The following ZNF704 variants were observed in gnomAD, a reference collection of about 807,000 sequenced individuals.
ZNF704 encodes glucocorticoid induced gene 1.
ZNF704 carries 10 observed loss-of-function variants against 44.7 expected under a neutral mutation model. The ratio of observed to expected loss-of-function variants is 0.22; its 90% CI spans 0.14 to 0.38. ZNF704 has a LOEUF of 0.38. Ranked by LOEUF, ZNF704 falls within the 10% of genes least tolerant of loss-of-function variation. ZNF704 has a pLI of 1.00. For synonymous variants in ZNF704, 211 were observed against 207.6 expected, an observed-to-expected ratio of 1.02 and a Z score of -0.14; for missense variants, 390 against 545.5, an observed-to-expected ratio of 0.71 and a Z score of 2.84.
chr8:80,725,062 C>A (rs572727944), intron 2 of ZNF704, among the ~76,000 whole-genome samples: 15 of 152,242 alleles, frequency 9.9e-5, no homozygotes, highest in African/African-American at 3.6e-4. Flanking sequence ...ATGCTAAATC[C>A]TAGGACTTGA....
At chr8:80,864,567 G>A (rs1220486981) in intron 1 of ZNF704, among the ~76,000 whole-genome samples, 4 of 152,082 alleles carry the variant, frequency 2.6e-5, no homozygotes, top group Non-Finnish European at 5.9e-5. Context: ...ATTTCCCAAA[G>A]TCAATTAATT....
the ZNF704 span, among the ~76,000 whole-genome samples, chr8:80,881,478 A>G: frequency 1.3e-5 from 2 of 152,198 alleles, no homozygotes; most frequent in East Asian, 3.8e-4. Context: ...TATACTATAT[A>G]CATCTATTAA....
At chr8:80,828,594 T>C (rs553408975) in intron 1 of ZNF704, among the ~76,000 whole-genome samples, 1 of 152,314 alleles carries the variant, frequency 6.6e-6, no homozygotes, top group South Asian at 2.1e-4. Context: ...CCCATTTAAA[T>C]AGAATACATG....
chr8:80,641,314 A>G lies in ZNF704; in HGVS notation c.*52T>C. The G allele has an allele frequency of 1.7e-6, 2 of 1,201,562 alleles. No individual in the cohort carries two copies. Among genetic ancestry groups the G allele is most frequent in the Non-Finnish European group, 2.3e-6 (2 of 873,458 alleles). 74.4% of individuals were successfully genotyped at this position (1,201,562 alleles called of 1,614,324 possible). On this transcript the variant is annotated 3_prime_UTR_variant, in exon 9 of 9. Transcript: ENST00000327835. ...AGCTCTTTCCAACACCTGCAGTGGC[A>G]GGCCAGGGCAGGAGCGGCTCAGGGC...
chr8:80,654,976 T>C (rs1683031575), intron 7 of ZNF704, among the ~76,000 whole-genome samples: 1 of 152,018 alleles, frequency 6.6e-6, no homozygotes, highest in African/African-American at 2.4e-5. Context: ...ATTAAGAAAA[T>C]GTGGCACATA....
intron 2 of ZNF704, among the ~76,000 whole-genome samples, chr8:80,751,152 G>A (rs772436373): frequency 2.0e-5 from 3 of 152,060 alleles, no homozygotes; most frequent in Non-Finnish European, 4.4e-5. Context: ...AAAGAGGCAA[G>A]GTGGAAGAAG....
At chr8:80,720,175 A>G (rs1165675022) in intron 2 of ZNF704, among the ~76,000 whole-genome samples, 1 of 152,192 alleles carries the variant, frequency 6.6e-6, no homozygotes, top group Non-Finnish European at 1.5e-5. Flanking sequence ...CTCCTTGGAC[A>G]TCAGCCTCAG....
At chr8:80,833,618 G>A (rs992848689) in intron 1 of ZNF704, among the ~76,000 whole-genome samples, 8 of 152,156 alleles carry the variant, frequency 5.3e-5, no homozygotes, top group Non-Finnish European at 1.0e-4. Context: ...TTAGCCCTCT[G>A]AAACCAATGA....
intron 2 of ZNF704, among the ~76,000 whole-genome samples, chr8:80,749,094 C>T (rs1806897995): frequency 6.6e-6 from 1 of 152,160 alleles, no homozygotes; most frequent in African/African-American, 2.4e-5. Flanking sequence ...ATGGCCCCAT[C>T]TACTTCCTAA....
At position 80,629,985 on chromosome 8, in the gene ZNF704, A is replaced by AT. The variant is rs1395758424; in HGVS notation, c.*11380dup. The stretch of plus-strand genomic sequence containing the variant: ...CCCATTTATTCATCTTAATGATGGA[A>AT]TTTTTTAGAGCCTGATGTTTCAGAA... On this transcript the variant is annotated 3_prime_UTR_variant, in exon 9 of 9. Transcript: ENST00000327835. The AT allele has an allele frequency of 7.9e-5, 12 of 152,218 alleles. No individual in the cohort carries two copies. Among genetic ancestry groups the AT allele is most frequent in the Admixed American group, 1.3e-4 (2 of 15,280 alleles). The allele number at this position is 152,218 out of a possible 1,614,324, so 9.4% of individuals were successfully genotyped here.
chr8:80,696,698 G>A (rs928981625), intron 2 of ZNF704, among the ~76,000 whole-genome samples: 5 of 152,210 alleles, frequency 3.3e-5, no homozygotes, highest in African/African-American at 7.2e-5. Flanking sequence ...GATTACAGGC[G>A]TGAGCCAATG....
chr8:80,779,776 C>T (rs974935516), intron 2 of ZNF704, among the ~76,000 whole-genome samples: 22 of 151,820 alleles, frequency 1.4e-4, no homozygotes, highest in African/African-American at 3.6e-4. Context: ...TCACTCTCTA[C>T]AGGATAACCG....
At chr8:80,801,244 A>G (rs532384775) in intron 2 of ZNF704, among the ~76,000 whole-genome samples, 1 of 152,306 alleles carries the variant, frequency 6.6e-6, no homozygotes, top group Non-Finnish European at 1.5e-5. Flanking sequence ...CCCACTGACA[A>G]TATTAGACAG....
intron 2 of ZNF704, among the ~76,000 whole-genome samples, chr8:80,726,820 T>TAC (rs1005185229): frequency 3.4e-5 from 5 of 146,286 alleles, no homozygotes; most frequent in African/African-American, 1.1e-4. Flanking sequence ...ATGTTAAAAA[T>TAC]ACACACACAC....
intron 7 of ZNF704, among the ~76,000 whole-genome samples, chr8:80,647,042 T>C (rs1042766920): frequency 1.3e-5 from 2 of 152,214 alleles, no homozygotes; most frequent in African/African-American, 4.8e-5. Flanking sequence ...ATACTCTTCA[T>C]TCAACAGATA....
chr8:80,882,674 A>G, the ZNF704 span, among the ~76,000 whole-genome samples: 1 of 152,182 alleles, frequency 6.6e-6, no homozygotes, highest in Admixed American at 6.5e-5. Context: ...GACCTCTGCT[A>G]GACTTCATCC....
intron 2 of ZNF704, among the ~76,000 whole-genome samples, chr8:80,716,644 T>G (rs1004686502): frequency 6.6e-6 from 1 of 152,258 alleles, no homozygotes; most frequent in Non-Finnish European, 1.5e-5. Context: ...AAACTTCTAA[T>G]ACATGTTAAG....
intron 5 of ZNF704, among the ~76,000 whole-genome samples, chr8:80,668,670 T>C (rs542439736): frequency 1.2e-4 from 19 of 152,276 alleles, no homozygotes; most frequent in Non-Finnish European, 2.1e-4. Flanking sequence ...TGGAGTGAGA[T>C]TGAAAAGTGT....
At chr8:80,804,554 C>G (rs754298346) in intron 2 of ZNF704, among the ~76,000 whole-genome samples, 1 of 152,132 alleles carries the variant, frequency 6.6e-6, no homozygotes, top group Non-Finnish European at 1.5e-5. Context: ...AGCCATTATC[C>G]TCAGCAAACT....
Sources: allele counts gnomAD v4.1 joint callset (sites outside exome capture counted in the v4.1 genomes callset), GRCh38; gene constraint gnomAD v4.1.1; transcripts MANE v1.5; gene names NCBI Gene and HGNC (gene_info 2026-07-23, HGNC 2026-07-21).